The following INPP4B variants were observed in gnomAD, a reference collection of about 807,000 sequenced individuals.
INPP4B encodes the protein inositol polyphosphate 4-phosphatase type II.
A neutral mutation model predicts 122.5 loss-of-function variants in INPP4B; 55 were observed. That is an observed-to-expected ratio of 0.45 (90% confidence interval 0.36 to 0.56). The LOEUF (loss-of-function observed/expected upper bound fraction) is 0.56, where lower values mean the gene tolerates loss of function less well. Among genes scored for constraint, INPP4B ranks in the 20% least tolerant of loss-of-function variants. The pLI is 0.00. For synonymous variants in INPP4B, 403 were observed against 388.7 expected (o/e 1.04, Z -0.43); for missense variants, 1,000 against 1,097.7 (o/e 0.91, Z 1.26).
At chr4:142,084,484 AAAAG>A (rs1775759102) in intron 24 of INPP4B, among the ~76,000 whole-genome samples, 1 of 152,216 alleles carries the variant, frequency 6.6e-6, no homozygotes, top group African/African-American at 2.4e-5. Flanking sequence ...ATAAATTTTT[AAAAG>A]AAAGGAAAAT....
At chr4:142,686,715 A>G (rs1007118818) in intron 2 of INPP4B, among the ~76,000 whole-genome samples, 4 of 152,084 alleles carry the variant, frequency 2.6e-5, no homozygotes, top group African/African-American at 9.7e-5. Flanking sequence ...TACTTCAAAC[A>G]CAGTTTTATC....
At chr4:142,285,565 T>A (rs2150870901) in intron 9 of INPP4B, among the ~76,000 whole-genome samples, 1 of 82,686 alleles carries the variant, frequency 1.2e-5, no homozygotes, top group South Asian at 3.7e-4. Context: ...ATGCCTATCC[T>A]ATACCAGGTA....
rs10022083 is a variant in INPP4B, at chr4:142,073,208, G to A, written c.2642+8823C>T. Among the ~76,000 whole-genome samples the A allele has an allele frequency of 1.8e-3, 274 of 152,254 alleles. 2 individuals carry two copies. Among genetic ancestry groups the A allele is most frequent in the African/African-American group, 6.4e-3 (266 of 41,550 alleles). ...AATGATGTCATTCACACTCATATGA[G>A]TTCTGATAGGCTCACTAAATGGAAG... On this transcript the variant is annotated intron_variant, in intron 25 of 25. Transcript: ENST00000262992.
At chr4:142,782,104 G>T (rs1456754853) in intron 1 of INPP4B, among the ~76,000 whole-genome samples, 1 of 151,844 alleles carries the variant, frequency 6.6e-6, no homozygotes, top group Admixed American at 6.6e-5. Flanking sequence ...TTAGCATTAG[G>T]TATATCTCCT....
At chr4:142,153,112 T>C (rs2152875950) in intron 17 of INPP4B, among the ~76,000 whole-genome samples, 1 of 152,342 alleles carries the variant, frequency 6.6e-6, no homozygotes, top group East Asian at 1.9e-4. Context: ...AAATATTAAA[T>C]AAAACATTTA....
intron 1 of INPP4B, among the ~76,000 whole-genome samples, chr4:142,775,233 T>C (rs1474368212): frequency 2.0e-5 from 3 of 152,138 alleles, no homozygotes; most frequent in Non-Finnish European, 2.9e-5. Context: ...TTCTCCTTTG[T>C]AAAGTTACTC....
At chr4:142,538,755 G>A (rs952996488) in intron 2 of INPP4B, among the ~76,000 whole-genome samples, 3 of 152,000 alleles carry the variant, frequency 2.0e-5, no homozygotes, top group South Asian at 2.1e-4. Flanking sequence ...GCATGGATGC[G>A]AAGGTTAAGG....
chr4:142,634,037 A>C (rs1748558793), intron 2 of INPP4B, among the ~76,000 whole-genome samples: 1 of 150,064 alleles, frequency 6.7e-6, no homozygotes, highest in South Asian at 2.1e-4. Context: ...GATAAAAAGG[A>C]GGGAGGTGGG....
At chr4:142,085,309 G>A (rs1350189787) in intron 24 of INPP4B, among the ~76,000 whole-genome samples, 2 of 152,210 alleles carry the variant, frequency 1.3e-5, no homozygotes, top group Non-Finnish European at 2.9e-5. Context: ...GCTAGAGAAT[G>A]AATAGAGTAT....
chr4:142,470,744 T>A (rs1049281454), intron 2 of INPP4B, among the ~76,000 whole-genome samples: 1 of 152,210 alleles, frequency 6.6e-6, no homozygotes, highest in Non-Finnish European at 1.5e-5. Flanking sequence ...AGTGTGACAT[T>A]GGCTTCTCAA....
At chr4:142,330,804 ACT>A (rs1774174204) in intron 7 of INPP4B, among the ~76,000 whole-genome samples, 1 of 152,156 alleles carries the variant, frequency 6.6e-6, no homozygotes, top group African/African-American at 2.4e-5. Flanking sequence ...GTGGGTTTAC[ACT>A]CAGTATTCTT....
chr4:142,240,408 C>T (rs115654542), intron 11 of INPP4B, among the ~76,000 whole-genome samples: 87 of 152,180 alleles, frequency 5.7e-4, no homozygotes, highest in African/African-American at 2.0e-3. Context: ...ATAGATTAAA[C>T]AGAAATCAAG....
At chr4:142,695,401 T>A (rs770167962) in intron 2 of INPP4B, among the ~76,000 whole-genome samples, 34 of 152,270 alleles carry the variant, frequency 2.2e-4, no homozygotes, top group South Asian at 4.1e-4. Context: ...AAAATAAAAA[T>A]TTTTAAATTA....
rs1766882157 is a variant in INPP4B, at chr4:142,314,817, C to A, written c.373-55G>T. On this transcript the variant is annotated intron_variant, in intron 7 of 25. Coordinates refer to ENST00000262992, the MANE Select transcript of INPP4B (RefSeq NM_001101669.3). Reference sequence around the variant, plus strand: ...TTGGAGTAGAAACTAGTGCAGAAGCCTCGCACAGGTGCTGGGTTTCAATTT... The same window carrying A: ...TTGGAGTAGAAACTAGTGCAGAAGCATCGCACAGGTGCTGGGTTTCAATTT... 8.5e-6 allele frequency: 12 copies of A among 1,405,336 alleles called. No homozygotes were observed. The South Asian group carries it at 1.6e-4, about 18-fold the overall frequency. 87.1% of individuals were successfully genotyped at this position (1,405,336 alleles called of 1,614,324 possible).
intron 1 of INPP4B, among the ~76,000 whole-genome samples, chr4:142,740,412 A>T (rs1331147924): frequency 6.6e-6 from 1 of 152,046 alleles, no homozygotes; most frequent in Non-Finnish European, 1.5e-5. Flanking sequence ...ACATTTAGAA[A>T]TGCTTAATAA....
intron 25 of INPP4B, chr4:142,029,789 G>C: frequency 1.0e-6 from 1 of 1,003,118 alleles, no homozygotes; most frequent in Non-Finnish European, 1.2e-6. Flanking sequence ...GCAAATTTCA[G>C]TCTTAATTTC....
At chr4:142,153,789 CA>C (rs1815694007) in intron 17 of INPP4B, among the ~76,000 whole-genome samples, 1 of 152,070 alleles carries the variant, frequency 6.6e-6, no homozygotes, top group Admixed American at 6.6e-5. Context: ...TGTTATAAAA[CA>C]GGGTTTTATA....
rs373854584 is a variant in INPP4B at position 142,412,732 on chromosome 4, T to C, written c.137-7408A>G. Among the ~76,000 whole-genome samples the C allele has an allele frequency of 2.6e-5, 4 of 152,284 alleles. No homozygotes were observed. The South Asian group carries it at 6.2e-4, about 24-fold the overall frequency. ...TTTAATTCATTGAGAGTAGCTCTCA[T>C]CTTGTCCTTCCTCTCATTTTAGCTT... is the stretch of plus-strand genomic sequence containing the variant. On this transcript the variant is annotated intron_variant, in intron 5 of 25. Transcript: ENST00000262992.
At chr4:142,402,567 G>C (rs1466267189) in intron 7 of INPP4B, among the ~76,000 whole-genome samples, 17 of 152,110 alleles carry the variant, frequency 1.1e-4, no homozygotes, top group Admixed American at 1.1e-3. Flanking sequence ...TAAAAGTAGA[G>C]CACTTTGTCA....
Sources: gnomAD v4.1 joint callset for allele counts (sites outside exome capture counted in the v4.1 genomes callset) on GRCh38, gnomAD v4.1.1 for gene constraint, MANE v1.5 for transcripts, NCBI Gene and HGNC (gene_info 2026-07-23, HGNC 2026-07-21) for gene names.